The following DCPH1 variants were observed in gnomAD, a reference collection of about 807,000 sequenced individuals.
DCPH1 encodes the protein damage-control phosphatase 1.
the DCPH1 span, among the ~76,000 whole-genome samples, chr6:151,466,006 T>C: frequency 6.6e-6 from 1 of 152,172 alleles, no homozygotes; most frequent in Non-Finnish European, 1.5e-5. Context: ...GCAACCTCCG[T>C]CTCCCGGGTT....
At chr6:151,468,424 T>C in the DCPH1 span, 25 of 1,607,980 alleles carry the variant, frequency 1.6e-5, no homozygotes, top group African/African-American at 2.3e-4. Flanking sequence ...ACTAAATTCA[T>C]TGGAAGACCT....
At chr6:151,468,328 C>T in the DCPH1 span, 5 of 1,516,178 alleles carry the variant, frequency 3.3e-6, no homozygotes, top group East Asian at 6.8e-5. Flanking sequence ...ATATTTTGTA[C>T]TTTTTCTTTT....
At chr6:151,464,215 T>G in the DCPH1 span, among the ~76,000 whole-genome samples, 3 of 152,230 alleles carry the variant, frequency 2.0e-5, no homozygotes, top group Admixed American at 1.3e-4. Context: ...TATCACTATT[T>G]AATATGTCCA....
chr6:151,452,516 C>G, the DCPH1 span: 8 of 1,610,996 alleles, frequency 5.0e-6, no homozygotes, highest in Non-Finnish European at 5.9e-6. Context: ...ATTGAACAGC[C>G]GAGCTTTGCG....
At chr6:151,467,301 T>A in the DCPH1 span, among the ~76,000 whole-genome samples, 2 of 152,006 alleles carry the variant, frequency 1.3e-5, no homozygotes, top group Admixed American at 1.3e-4. Context: ...TCTCCTTATT[T>A]TAAATCACAA....
chr6:151,461,229 T>C, the DCPH1 span, among the ~76,000 whole-genome samples: 4 of 152,144 alleles, frequency 2.6e-5, no homozygotes, highest in Admixed American at 2.0e-4. Context: ...TGGTGGAGTT[T>C]GTGTGTTTAA....
chr6:151,456,110 C>T, the DCPH1 span, among the ~76,000 whole-genome samples: 1 of 152,178 alleles, frequency 6.6e-6, no homozygotes, highest in South Asian at 2.1e-4. Context: ...TAGTACAGAA[C>T]AAAATGGAGT....
the DCPH1 span, chr6:151,469,096 G>C: frequency 4.3e-6 from 7 of 1,609,856 alleles, no homozygotes; most frequent in Non-Finnish European, 5.9e-6. Context: ...ATTTCAGTAC[G>C]ATGGTCCCCT....
the DCPH1 span, chr6:151,454,458 A>G: frequency 1.4e-6 from 1 of 708,232 alleles, no homozygotes; most frequent in Non-Finnish European, 2.5e-6. Context: ...GAGGAGTTTA[A>G]TATACATGAA....
chr6:151,466,553 A>G, the DCPH1 span, among the ~76,000 whole-genome samples: 2 of 152,150 alleles, frequency 1.3e-5, no homozygotes, highest in African/African-American at 2.4e-5. Flanking sequence ...AAGCTTGAAA[A>G]CATTCTCGTT....
the DCPH1 span, among the ~76,000 whole-genome samples, chr6:151,454,320 A>G: frequency 6.6e-6 from 1 of 152,256 alleles, no homozygotes; most frequent in Non-Finnish European, 1.5e-5. Flanking sequence ...AACAGACTCC[A>G]TGGGAGAATC....
chr6:151,462,419 A>G, the DCPH1 span, among the ~76,000 whole-genome samples: 1 of 152,278 alleles, frequency 6.6e-6, no homozygotes, highest in East Asian at 1.9e-4. Flanking sequence ...ACTTTACTGA[A>G]ATGAAATGAT....
the DCPH1 span, among the ~76,000 whole-genome samples, chr6:151,460,587 C>T: frequency 6.6e-6 from 1 of 151,510 alleles, no homozygotes; most frequent in South Asian, 2.1e-4. Context: ...AGGTCGAGAC[C>T]ATCCTGGCCA....
the DCPH1 span, chr6:151,468,373 T>C: frequency 6.4e-7 from 1 of 1,568,472 alleles, no homozygotes; most frequent in Non-Finnish European, 8.6e-7. Context: ...GTGTGATCTG[T>C]CTCTCTCAGG....
the DCPH1 span, among the ~76,000 whole-genome samples, chr6:151,456,948 C>T: frequency 6.6e-6 from 1 of 152,210 alleles, no homozygotes; most frequent in Non-Finnish European, 1.5e-5. Flanking sequence ...AGTTTATTGT[C>T]TCTCCAGCCC....
the DCPH1 span, among the ~76,000 whole-genome samples, chr6:151,463,577 G>A: frequency 1.1e-4 from 16 of 152,124 alleles, no homozygotes; most frequent in Non-Finnish European, 2.2e-4. Flanking sequence ...GTAGCTTCCC[G>A]AGGTGACTGA....
chr6:151,462,794 T>C, the DCPH1 span, among the ~76,000 whole-genome samples: 1 of 152,252 alleles, frequency 6.6e-6, no homozygotes, highest in East Asian at 1.9e-4. Context: ...TATAGTTATG[T>C]GAGTTTACTC....
At chr6:151,468,158 G>A in the DCPH1 span, among the ~76,000 whole-genome samples, 2 of 152,236 alleles carry the variant, frequency 1.3e-5, no homozygotes, top group African/African-American at 4.8e-5. Context: ...GTTTTATCTT[G>A]TTAATACAGC....
At chr6:151,460,365 A>G in the DCPH1 span, among the ~76,000 whole-genome samples, 1 of 151,158 alleles carries the variant, frequency 6.6e-6, no homozygotes, top group East Asian at 2.0e-4. Context: ...GTCCTCCCAA[A>G]GTGCTGGGAT....
Sources: gnomAD v4.1 joint callset for allele counts (sites outside exome capture counted in the v4.1 genomes callset) on GRCh38, gnomAD v4.1.1 for gene constraint, MANE v1.5 for transcripts, NCBI Gene and HGNC (gene_info 2026-07-23, HGNC 2026-07-21) for gene names.